Variants in ZNF185 observed in about 807,000 individuals in gnomAD.
ZNF185 encodes the protein zinc finger protein 185 with LIM domain.
A neutral mutation model predicts 58.6 loss-of-function variants in ZNF185; 56 were observed. The ratio of observed to expected loss-of-function variants is 0.95; its 90% CI spans 0.77 to 1.19. The LOEUF (loss-of-function observed/expected upper bound fraction) is 1.19, where lower values mean the gene tolerates loss of function less well. Ranked by LOEUF, ZNF185 falls within the 50% of genes most tolerant of loss-of-function variation. ZNF185 has a pLI of 0.00. For synonymous variants in ZNF185, 230 were observed against 215.9 expected, an observed-to-expected ratio of 1.07 and a Z score of -0.57; for missense variants, 627 against 573.5, an observed-to-expected ratio of 1.09 and a Z score of -0.95.
chrX:152,939,708 C>T (rs2046928825), intron 15 of ZNF185, among the ~76,000 whole-genome samples: 1 of 110,384 alleles, frequency 9.1e-6, no homozygotes, highest in Non-Finnish European at 1.9e-5. Context: ...GAGCCCAGAT[C>T]CAGCCAACTC....
At position 152,938,829 on chromosome X, in the gene ZNF185, C is replaced by T. The variant is rs782359579; in HGVS notation, c.1211+666C>T. On this transcript the variant is annotated intron_variant, in intron 15 of 22. Coordinates refer to ENST00000449285, the Ensembl canonical transcript of ZNF185. ...AGGATAGTGCTCCGAAGAAAACAGC[C>T]GCAGCTGAGATAGAGTGATGGCAGT... Among the ~76,000 whole-genome samples the T allele has an allele frequency of 7.3e-4, 67 of 91,300 alleles. 2 individuals are homozygous for T. Among genetic ancestry groups the T allele is most frequent in the African/African-American group, 2.4e-3 (58 of 23,784 alleles). 79.3% of individuals were successfully genotyped at this position (91,300 alleles called of 115,157 possible). A position where few individuals can be genotyped will look rare whatever the true frequency, so the allele number is the denominator to read the frequency against.
intron 14 of ZNF185, among the ~76,000 whole-genome samples, chrX:152,937,527 C>G (rs1194377521): frequency 1.8e-5 from 2 of 111,504 alleles, no homozygotes; most frequent in African/African-American, 6.5e-5. Context: ...CTTGCTCTCT[C>G]TCTTTCTCTA....
At chrX:152,959,607 G>A (rs1603305709) in intron 16 of ZNF185, 92 bp from the exon 19 acceptor site, 2 of 1,006,545 alleles carry the variant, frequency 2.0e-6, no homozygotes, top group African/African-American at 1.9e-5. Context: ...GTCCCTCCAA[G>A]TCCACGAGAC....
At chrX:152,938,154 A>G (rs1556884406) in exon 15 of ZNF185, 1 of 1,182,442 alleles carries the variant, frequency 8.5e-7, no homozygotes, top group Admixed American at 2.4e-5. Context: ...GCAAAGGCAG[A>G]CCCAAAGGGG....
the ZNF185 span, among the ~76,000 whole-genome samples, chrX:152,902,305 G>A: frequency 3.6e-5 from 4 of 112,269 alleles, no homozygotes; most frequent in African/African-American, 1.3e-4. Context: ...CACCCAGTCC[G>A]GGCCCCTTGG....
intron 16 of ZNF185, among the ~76,000 whole-genome samples, chrX:152,951,803 G>C (rs1556900353): frequency 9.0e-6 from 1 of 111,623 alleles, no homozygotes; most frequent in African/African-American, 3.3e-5. Flanking sequence ...TCCATATGTA[G>C]TCACACTGTA....
chrX:152,936,264 C>A (rs2046272015), intron 14 of ZNF185, among the ~76,000 whole-genome samples, 154 bp from the exon 16 acceptor site: 1 of 112,675 alleles, frequency 8.9e-6, no homozygotes, highest in Non-Finnish European at 1.9e-5. Flanking sequence ...AGGTGTCAGG[C>A]TGCCTTGAGA....
At chrX:152,901,097 T>G in the ZNF185 span, among the ~76,000 whole-genome samples, 10 of 112,218 alleles carry the variant, frequency 8.9e-5, no homozygotes, top group African/African-American at 3.2e-4. Flanking sequence ...GGCCCCTACC[T>G]GAGGAAAACA....
rs782185446 is a variant in ZNF185 at position 152,928,577 on chromosome X, C to G, written c.833C>G (p.Ser278Ter). The G allele has an allele frequency of 1.7e-6, 2 of 1,210,690 alleles. No homozygotes were observed. The highest frequency in any genetic ancestry group is 3.5e-5 in the African/African-American group (2 of 57,618). The change falls in exon 12 of 23, where the codon TCA (serine) becomes TGA (stop). Residue 278 changes from serine to a stop codon, truncating the protein, a stop_gained and splice_region_variant. Coordinates refer to ENST00000449285, the Ensembl canonical transcript of ZNF185. LOFTEE classifies it high-confidence loss of function. ...TGGGTCTCTCCTTTGGCCCGCAGCT[C>G]AAGAGGTGAGGAAATTGTCCGCCTG... is the stretch of plus-strand genomic sequence containing the variant.
At chrX:152,930,283 G>A (rs922422776) in intron 12 of ZNF185, among the ~76,000 whole-genome samples, 13 of 112,275 alleles carry the variant, frequency 1.2e-4, no homozygotes, top group Non-Finnish European at 1.7e-4. Flanking sequence ...GAGTTTATTC[G>A]TAGGCATTGA....
intron 13 of ZNF185, among the ~76,000 whole-genome samples, chrX:152,932,257 C>T (rs974753759): frequency 8.9e-6 from 1 of 112,432 alleles, no homozygotes; most frequent in Non-Finnish European, 1.9e-5. Flanking sequence ...CAGGATGACC[C>T]GTGGACTAAG....
At chrX:152,961,613 G>T (rs966932241) in intron 17 of ZNF185, among the ~76,000 whole-genome samples, 2 of 112,220 alleles carry the variant, frequency 1.8e-5, no homozygotes, top group Non-Finnish European at 3.8e-5. Context: ...CCTCCTGTGA[G>T]CAGCCATGTA....
At chrX:152,906,762 A>G in the ZNF185 span, among the ~76,000 whole-genome samples, 4 of 110,620 alleles carry the variant, frequency 3.6e-5, no homozygotes, top group African/African-American at 1.3e-4. Flanking sequence ...TTGGGAAAGA[A>G]GCCCTTCTGC....
chrX:152,967,069 A>T, intron 19 of ZNF185, 98 bp from the exon 22 acceptor site: 1 of 823,177 alleles, frequency 1.2e-6, no homozygotes, highest in Non-Finnish European at 1.8e-6. Context: ...CATCGTAGTT[A>T]TGTCTCAGCT....
intron 9 of ZNF185, among the ~76,000 whole-genome samples, chrX:152,921,486 G>C (rs1441282143): frequency 1.0e-5 from 1 of 100,026 alleles, no homozygotes; most frequent in Non-Finnish European, 2.0e-5. Context: ...GGAATACAGA[G>C]AGCAGGGATG....
chrX:152,902,755 T>G, the ZNF185 span, among the ~76,000 whole-genome samples: 2 of 111,899 alleles, frequency 1.8e-5, no homozygotes, highest in Non-Finnish European at 3.8e-5. Flanking sequence ...TTCCTTATTC[T>G]TATCCAAAAA....
chrX:152,915,220 A>G lies in ZNF185; in HGVS notation c.224+17A>G, dbSNP rs1556865029. ...GAAGCCTAGGTAAGAGGTGGTGCTC[A>G]GGTGGCTGGTGGGTCAGCCCCAGGG... On this transcript the variant is annotated intron_variant, in intron 3 of 22. Coordinates refer to ENST00000449285, the Ensembl canonical transcript of ZNF185. 1 of 1,206,410 alleles carries G rather than the reference A, an allele frequency of 8.3e-7. No homozygotes were observed. Among genetic ancestry groups the G allele is most frequent in the South Asian group, 1.8e-5 (1 of 55,933 alleles).
chrX:152,928,388 C>T (rs781886730), intron 11 of ZNF185, among the ~76,000 whole-genome samples, 187 bp from the exon 13 acceptor site: 5 of 112,015 alleles, frequency 4.5e-5, no homozygotes, highest in Admixed American at 9.4e-5. Flanking sequence ...GGTGGGAGAC[C>T]GGGGAAGGGG....
chrX:152,948,933 G>A (rs782238799), intron 16 of ZNF185, among the ~76,000 whole-genome samples: 3 of 111,936 alleles, frequency 2.7e-5, no homozygotes, highest in Non-Finnish European at 5.6e-5. Context: ...GTGGAGCAGG[G>A]AGAAGAGGAA....
Sources: allele counts gnomAD v4.1 joint callset (sites outside exome capture counted in the v4.1 genomes callset), GRCh38; gene constraint gnomAD v4.1.1; transcripts MANE v1.5; gene names NCBI Gene and HGNC (gene_info 2026-07-23, HGNC 2026-07-21).